The following SCHIP1 variants were observed in gnomAD, a reference collection of about 807,000 sequenced individuals.
SCHIP1 encodes schwannomin-interacting protein 1.
Under a neutral mutation model 29.7 loss-of-function variants are expected in SCHIP1, and 8 were observed. That is an observed-to-expected ratio of 0.27 (90% CI 0.16 to 0.49). SCHIP1 has a LOEUF of 0.49. SCHIP1 is among the 20% of genes least tolerant of loss of function. SCHIP1 has a pLI of 0.99. For missense variants in SCHIP1, 193 were observed against 294.6 expected (o/e 0.66, Z 2.52); for synonymous variants, 76 against 94.9 (o/e 0.80, Z 1.16).
the SCHIP1 span, among the ~76,000 whole-genome samples, chr3:159,805,348 A>G: frequency 6.6e-6 from 1 of 152,214 alleles, no homozygotes. Flanking sequence ...GTGTCTGAGG[A>G]AAGCATCGGC....
chr3:159,556,032 G>C, the SCHIP1 span, among the ~76,000 whole-genome samples: 3 of 152,038 alleles, frequency 2.0e-5, no homozygotes, highest in Non-Finnish European at 2.9e-5. Flanking sequence ...AAACTTACAT[G>C]TTCTGCACAT....
the SCHIP1 span, among the ~76,000 whole-genome samples, chr3:159,429,985 T>A: frequency 6.6e-6 from 1 of 152,214 alleles, no homozygotes; most frequent in Non-Finnish European, 1.5e-5. Context: ...TAAATGTTTC[T>A]GAACATGGGA....
chr3:159,773,181 G>T, the SCHIP1 span, among the ~76,000 whole-genome samples: 1 of 152,202 alleles, frequency 6.6e-6, no homozygotes, highest in Non-Finnish European at 1.5e-5. Flanking sequence ...CTTTTCCTTA[G>T]TTGCTTGATG....
the SCHIP1 span, among the ~76,000 whole-genome samples, chr3:159,704,222 C>T: frequency 1.1e-4 from 16 of 152,060 alleles, no homozygotes; most frequent in South Asian, 4.2e-4. Context: ...ATTGCCTGAG[C>T]TCAGGAGTTC....
At chr3:159,591,610 C>T in the SCHIP1 span, among the ~76,000 whole-genome samples, 1 of 152,118 alleles carries the variant, frequency 6.6e-6, no homozygotes, top group African/African-American at 2.4e-5. Flanking sequence ...GGGTTTGTGT[C>T]CTTTTCCGGG....
the SCHIP1 span, among the ~76,000 whole-genome samples, chr3:159,662,934 T>C: frequency 6.6e-6 from 1 of 152,228 alleles, no homozygotes; most frequent in African/African-American, 2.4e-5. Flanking sequence ...CATTGAATTG[T>C]GTTGCTTTAA....
intron 1 of SCHIP1, among the ~76,000 whole-genome samples, chr3:159,843,379 T>G (rs1744457934): frequency 6.6e-6 from 1 of 152,136 alleles, no homozygotes; most frequent in Non-Finnish European, 1.5e-5. Context: ...AGTACATATT[T>G]TACTTATTTG....
the SCHIP1 span, among the ~76,000 whole-genome samples, chr3:159,450,850 C>A: frequency 2.7e-5 from 4 of 149,296 alleles, no homozygotes; most frequent in Non-Finnish European, 5.9e-5. Context: ...GCTCTGTCGC[C>A]CAGGCTGGAG....
At chr3:159,697,054 C>A in the SCHIP1 span, among the ~76,000 whole-genome samples, 1 of 152,280 alleles carries the variant, frequency 6.6e-6, no homozygotes, top group East Asian at 1.9e-4. Context: ...CATGGTCAGA[C>A]ATGCCTTTTA....
At chr3:159,422,856 C>T in the SCHIP1 span, among the ~76,000 whole-genome samples, 1 of 152,122 alleles carries the variant, frequency 6.6e-6, no homozygotes, top group African/African-American at 2.4e-5. Context: ...ACTCATTGGG[C>T]ATTTGGGCAG....
At chr3:159,896,858 A>G (rs1718115328) in exon 7 of SCHIP1, 13 of 1,404,678 alleles carry the variant, frequency 9.3e-6, no homozygotes, top group Non-Finnish European at 1.2e-5. Context: ...GGTGGCGCAG[A>G]AACAAATATC....
At chr3:159,703,494 A>C in the SCHIP1 span, among the ~76,000 whole-genome samples, 1 of 152,184 alleles carries the variant, frequency 6.6e-6, no homozygotes, top group East Asian at 1.9e-4. Context: ...AAAAAACTGC[A>C]GAATTGAACT....
Position 159,864,470 on chromosome 3 carries a change from TACACACACACAC to T in SCHIP1, c.31-1659_31-1648del, listed in dbSNP as rs58371525. 2.4e-3 allele frequency among the ~76,000 whole-genome samples: 329 copies of T among 139,924 alleles called. 3 individuals carry two copies. The highest frequency in any genetic ancestry group is 5.4e-3 in the African/African-American group (207 of 38,096). 91.8% of individuals were successfully genotyped at this position (139,924 alleles called of 152,430 possible). A position where few individuals can be genotyped will look rare whatever the true frequency, so the allele number is the denominator to read the frequency against. Reference sequence around the variant, plus strand: ...GTAGTCTTTCACCTTATGGCTGTACTACACACACACACACACACACACACACACACACACACA... The same window carrying T: ...GTAGTCTTTCACCTTATGGCTGTACTACACACACACACACACACACACACA... On this transcript the variant is annotated intron_variant, in intron 1 of 6. Transcript: ENST00000445224.
chr3:159,308,291 GC>G, the SCHIP1 span, among the ~76,000 whole-genome samples: 1 of 152,174 alleles, frequency 6.6e-6, no homozygotes, highest in Admixed American at 6.5e-5. Context: ...TCAGATAAAT[GC>G]CTAGTATCCA....
the SCHIP1 span, among the ~76,000 whole-genome samples, chr3:159,546,999 T>C: frequency 6.6e-6 from 1 of 152,242 alleles, no homozygotes; most frequent in Non-Finnish European, 1.5e-5. Flanking sequence ...ATCACCACAC[T>C]GTCTTCCACA....
chr3:159,659,725 A>C, the SCHIP1 span, among the ~76,000 whole-genome samples: 1,055 of 152,304 alleles, frequency 6.9e-3, 12 homozygotes, highest in African/African-American at 0.024. Context: ...GGTGATTCTC[A>C]GTTTAAAAAA....
the SCHIP1 span, among the ~76,000 whole-genome samples, chr3:159,310,899 C>T: frequency 0.33 from 50,158 of 151,624 alleles, 8,917 homozygotes; most frequent in Non-Finnish European, 0.41. Flanking sequence ...ATTTGCATGC[C>T]GGAATTGAAA....
the SCHIP1 span, among the ~76,000 whole-genome samples, chr3:159,530,235 C>G: frequency 1.3e-5 from 2 of 152,152 alleles, no homozygotes; most frequent in African/African-American, 4.8e-5. Context: ...ACTCATCCAC[C>G]TACTCTCTTG....
chr3:159,389,097 A>G, the SCHIP1 span, among the ~76,000 whole-genome samples: 5 of 151,964 alleles, frequency 3.3e-5, no homozygotes, highest in Admixed American at 2.0e-4. Context: ...TGTGGACACA[A>G]TATATAATAT....
Sources: gnomAD v4.1 joint callset for allele counts (sites outside exome capture counted in the v4.1 genomes callset) on GRCh38, gnomAD v4.1.1 for gene constraint, MANE v1.5 for transcripts, NCBI Gene and HGNC (gene_info 2026-07-23, HGNC 2026-07-21) for gene names.